RBPJ: variants seen among roughly 807,000 people sequenced by gnomAD.
The protein encoded by RBPJ is recombining binding protein suppressor of hairless.
In RBPJ, 9 loss-of-function variants were observed where a neutral mutation model predicts 67.8. The ratio of observed to expected loss-of-function variants is 0.13; its 90% CI spans 0.08 to 0.23. The LOEUF (loss-of-function observed/expected upper bound fraction) is 0.23. Among genes scored for constraint, RBPJ ranks in the 10% least tolerant of loss-of-function variants. The probability of loss-of-function intolerance (pLI) is 1.00; values close to 1 mark genes in which losing one functional copy is unlikely to be tolerated. For synonymous variants in RBPJ, 198 were observed against 203.3 expected (o/e 0.97, Z 0.22); for missense variants, 305 against 595.6 (o/e 0.51, Z 5.08).
intron 2 of RBPJ, among the ~76,000 whole-genome samples, chr4:26,396,358 A>G (rs985035242): frequency 6.6e-6 from 1 of 152,236 alleles, no homozygotes; most frequent in Non-Finnish European, 1.5e-5. Flanking sequence ...TGAGGGAATA[A>G]GAGAATGGAG....
chr4:26,200,397 G>A (rs1330619891), intron 1 of RBPJ, among the ~76,000 whole-genome samples: 3 of 152,064 alleles, frequency 2.0e-5, no homozygotes, highest in Non-Finnish European at 4.4e-5. Flanking sequence ...GGCCAGATAC[G>A]GTGGCCCATG....
At chr4:26,177,592 G>T (rs1385795345) in intron 1 of RBPJ, among the ~76,000 whole-genome samples, 1 of 150,640 alleles carries the variant, frequency 6.6e-6, no homozygotes, top group Admixed American at 6.6e-5. Flanking sequence ...AAAGAAGAAA[G>T]AGAGAAAGAG....
In RBPJ at chr4:26,275,994, G is replaced by C. The variant is rs190425246; in HGVS notation, c.-166-86452G>C. ...GCTAACAGCTTTAAAGCTATTGTAG[G>C]CTGGGCGTGGTGGCTCACGCCTGTA... On this transcript the variant is annotated intron_variant, in intron 1 of 4. Transcript: ENST00000512351. 2.6e-4 allele frequency among the ~76,000 whole-genome samples: 40 copies of C among 151,584 alleles called. No homozygotes were observed. In the East Asian group the frequency reaches 6.1e-3, roughly 23 times the overall value.
chr4:26,379,966 G>A (rs1176874070), intron 1 of RBPJ, among the ~76,000 whole-genome samples: 1 of 152,122 alleles, frequency 6.6e-6, no homozygotes, highest in Non-Finnish European at 1.5e-5. Context: ...ACCTTTGTTA[G>A]TGGCCAAGGA....
chr4:26,422,364 G>A (rs1301747393), intron 5 of RBPJ, among the ~76,000 whole-genome samples: 1 of 152,096 alleles, frequency 6.6e-6, no homozygotes, highest in African/African-American at 2.4e-5. Flanking sequence ...GCAAAATGGT[G>A]ATATTCTAAT....
At chr4:26,355,137 G>T (rs1727233617) in intron 1 of RBPJ, among the ~76,000 whole-genome samples, 1 of 152,066 alleles carries the variant, frequency 6.6e-6, no homozygotes, top group Non-Finnish European at 1.5e-5. Flanking sequence ...CAACCTCCTA[G>T]ACTCAAGCAG....
chr4:26,287,973 C>G (rs1721537898), intron 1 of RBPJ, among the ~76,000 whole-genome samples: 1 of 152,164 alleles, frequency 6.6e-6, no homozygotes, highest in Non-Finnish European at 1.5e-5. Flanking sequence ...GCACATGACT[C>G]TGAGGTGATT....
In RBPJ at chr4:26,244,208, T is replaced by C. The variant is rs537889843; in HGVS notation, c.-167+80594T>C. ...GTATACATATATGTGTCTATATATG[T>C]ATACACATATGTGTACACATATATG... On this transcript the variant is annotated intron_variant, in intron 1 of 4. Transcript: ENST00000512351. 1.8e-4 allele frequency among the ~76,000 whole-genome samples: 27 copies of C among 146,790 alleles called. 1 individual carries two copies. The highest frequency in any genetic ancestry group is 6.5e-4 in the African/African-American group (26 of 40,034).
intron 4 of RBPJ, among the ~76,000 whole-genome samples, chr4:26,420,318 G>A (rs1380370451): frequency 6.6e-6 from 1 of 152,112 alleles, no homozygotes; most frequent in Non-Finnish European, 1.5e-5. Context: ...GTCTTTTAAA[G>A]AGGATACAAT....
chr4:26,288,364 T>C (rs1721549299), intron 1 of RBPJ, among the ~76,000 whole-genome samples: 1 of 152,216 alleles, frequency 6.6e-6, no homozygotes, highest in Non-Finnish European at 1.5e-5. Flanking sequence ...TGGCAGAGTC[T>C]TCAGTTGCTT....
intron 1 of RBPJ, among the ~76,000 whole-genome samples, chr4:26,294,705 C>T (rs1160307881): frequency 6.6e-6 from 1 of 151,772 alleles, no homozygotes; most frequent in African/African-American, 2.4e-5. Flanking sequence ...CATGGTGAAA[C>T]CCTGTCTCTA....
intron 1 of RBPJ, among the ~76,000 whole-genome samples, chr4:26,353,609 CT>C (rs5856939): frequency 0.46 from 58,798 of 127,190 alleles, 11,285 homozygotes; most frequent in Middle Eastern, 0.51. Context: ...TCACAGTATT[CT>C]TTTTTTTTTT....
At chr4:26,392,701 A>G (rs1178401030) in intron 2 of RBPJ, among the ~76,000 whole-genome samples, 1 of 152,200 alleles carries the variant, frequency 6.6e-6, no homozygotes, top group East Asian at 1.9e-4. Flanking sequence ...GCAGAAAGGA[A>G]ACTCACAATT....
chr4:26,249,497 TA>T (rs1720027861), intron 1 of RBPJ, among the ~76,000 whole-genome samples: 1 of 151,932 alleles, frequency 6.6e-6, no homozygotes, highest in African/African-American at 2.4e-5. Flanking sequence ...CTGTCTCTAC[TA>T]AAAATGCAAA....
At chr4:26,183,263 G>A (rs560377101) in intron 1 of RBPJ, among the ~76,000 whole-genome samples, 8 of 152,288 alleles carry the variant, frequency 5.3e-5, no homozygotes, top group East Asian at 1.9e-4. Flanking sequence ...GTCACTAGGC[G>A]ATAGGAAGTT....
chr4:26,175,764 G>A (rs1486759690), intron 1 of RBPJ, among the ~76,000 whole-genome samples: 1 of 152,210 alleles, frequency 6.6e-6, no homozygotes. Flanking sequence ...CTTTGAAGGT[G>A]TCCGTGAGGC....
intron 1 of RBPJ, among the ~76,000 whole-genome samples, chr4:26,243,724 T>G (rs1334890128): frequency 6.6e-6 from 1 of 152,202 alleles, no homozygotes; most frequent in African/African-American, 2.4e-5. Context: ...ATCTTCATCT[T>G]CAAGAAACTA....
intron 1 of RBPJ, among the ~76,000 whole-genome samples, chr4:26,265,557 G>A (rs545719219): frequency 1.8e-4 from 28 of 151,986 alleles, no homozygotes; most frequent in African/African-American, 6.3e-4. Flanking sequence ...AGTCTATGTG[G>A]GCATGGTGAT....
In RBPJ at chr4:26,220,543, G is replaced by A. The variant is rs1369785100; in HGVS notation, c.-167+56929G>A. Among the ~76,000 whole-genome samples, 8 of 152,134 alleles carry A rather than the reference G, an allele frequency of 5.3e-5. No individual in the cohort carries two copies. The East Asian group carries it at 9.6e-4, about 18-fold the overall frequency. On this transcript the variant is annotated intron_variant, in intron 1 of 4. Coordinates refer to the RBPJ transcript ENST00000512351. The stretch of plus-strand genomic sequence containing the variant: ...AGAGTTTATATGTTTGGTGGGTTTC[G>A]GTTACTTTGTTGCAAAACAGGTCTT...
Sources: gnomAD v4.1 joint callset for allele counts (sites outside exome capture counted in the v4.1 genomes callset) on GRCh38, gnomAD v4.1.1 for gene constraint, MANE v1.5 for transcripts, NCBI Gene and HGNC (gene_info 2026-07-23, HGNC 2026-07-21) for gene names.